Variants in ELAVL4 observed in about 807,000 individuals in gnomAD.
The protein encoded by ELAVL4 is ELAV like RNA binding protein 4, also known as ELAV-like protein 4.
ELAVL4 carries 1 observed loss-of-function variant against 35.6 expected under a neutral mutation model. The observed-to-expected ratio is 0.03, with a 90% confidence interval of 0.01 to 0.13. The LOEUF is 0.13. Ranked by LOEUF, ELAVL4 falls within the 10% of genes least tolerant of loss-of-function variation. ELAVL4 has a pLI of 1.00. For synonymous variants in ELAVL4, 156 were observed against 171.0 expected, an observed-to-expected ratio of 0.91 and a Z score of 0.69; for missense variants, 267 against 464.9, an observed-to-expected ratio of 0.57 and a Z score of 3.91.
chr1:50,067,775 A>T (rs1352189809), intron 1 of ELAVL4, among the ~76,000 whole-genome samples: 3 of 152,232 alleles, frequency 2.0e-5, no homozygotes, highest in African/African-American at 7.2e-5. Context: ...ATTGACTCAC[A>T]GTTCCACATG....
chr1:50,076,394 T>C (rs1372509703), intron 1 of ELAVL4, among the ~76,000 whole-genome samples: 2 of 152,228 alleles, frequency 1.3e-5, no homozygotes, highest in Non-Finnish European at 2.9e-5. Context: ...GTTATAGTTG[T>C]TCTATTTTAT....
intron 1 of ELAVL4, among the ~76,000 whole-genome samples, chr1:50,094,139 A>C (rs1665613387): frequency 6.6e-6 from 1 of 152,224 alleles, no homozygotes; most frequent in Non-Finnish European, 1.5e-5. Context: ...AGCGATTTGG[A>C]AGCTTTGTCT....
chr1:50,070,759 A>AAAAAAAAAAAAAAAAAAAAAAT (rs1664482068), intron 1 of ELAVL4, among the ~76,000 whole-genome samples: 1 of 151,720 alleles, frequency 6.6e-6, no homozygotes, highest in African/African-American at 2.4e-5. Context: ...AAAAAAAAAA[A>AAAAAAAAAAAAAAAAAAAAAAT]AGCCACTACT....
chr1:50,083,986 A>G (rs1665123890), intron 1 of ELAVL4, among the ~76,000 whole-genome samples: 1 of 152,172 alleles, frequency 6.6e-6, no homozygotes, highest in Non-Finnish European at 1.5e-5. Flanking sequence ...CTCATTGTTG[A>G]GAGCTGCCTT....
intron 1 of ELAVL4, among the ~76,000 whole-genome samples, chr1:50,082,685 T>C (rs1176470773): frequency 6.6e-6 from 1 of 152,198 alleles, no homozygotes; most frequent in East Asian, 1.9e-4. Flanking sequence ...ATTGTCTCCA[T>C]TAGAGCACTC....
intron 2 of ELAVL4, among the ~76,000 whole-genome samples, chr1:50,161,197 A>C (rs1034042481): frequency 6.6e-6 from 1 of 152,186 alleles, no homozygotes. Context: ...ACCAAGAATT[A>C]GGAATTCTGG....
At chr1:50,093,421 T>A (rs548305235) in intron 1 of ELAVL4, among the ~76,000 whole-genome samples, 41 of 152,348 alleles carry the variant, frequency 2.7e-4, no homozygotes, top group African/African-American at 9.6e-4. Flanking sequence ...TCAACTGATG[T>A]CCTTTTGAAC....
chr1:50,164,053 A>G (rs1471862855), intron 2 of ELAVL4, among the ~76,000 whole-genome samples: 5 of 152,176 alleles, frequency 3.3e-5, no homozygotes, highest in Non-Finnish European at 7.3e-5. Context: ...AGTAAAACAG[A>G]TATCAAAATA....
At chr1:50,145,241 G>C (rs1673491070) in intron 2 of ELAVL4, 44 bp downstream of exon 2, 1 of 1,609,148 alleles carries the variant, frequency 6.2e-7, no homozygotes, top group Non-Finnish European at 8.5e-7. Flanking sequence ...TAGATGTGCA[G>C]ATCTTAGCAG....
chr1:50,113,351 T>C (rs753322271), intron 1 of ELAVL4, among the ~76,000 whole-genome samples: 11 of 152,086 alleles, frequency 7.2e-5, no homozygotes, highest in Non-Finnish European at 1.5e-4. Context: ...CCTGAGCATC[T>C]TAACACCTTA....
intron 1 of ELAVL4, among the ~76,000 whole-genome samples, chr1:50,058,450 A>T (rs2148474735): frequency 6.6e-6 from 1 of 152,264 alleles, no homozygotes; most frequent in East Asian, 1.9e-4. Context: ...ATGTTTCTAT[A>T]GCACCCTTTC....
intron 2 of ELAVL4, 132 bp downstream of exon 2, chr1:50,145,329 T>C: frequency 1.5e-6 from 2 of 1,363,054 alleles, no homozygotes; most frequent in South Asian, 1.3e-5. Context: ...TACACAGTCA[T>C]AAACTCACAC....
At chr1:50,077,459 T>C (rs1472327369) in intron 1 of ELAVL4, among the ~76,000 whole-genome samples, 1 of 152,176 alleles carries the variant, frequency 6.6e-6, no homozygotes, top group Non-Finnish European at 1.5e-5. Flanking sequence ...TATTCAGGCC[T>C]TCAACTGATT....
intron 2 of ELAVL4, among the ~76,000 whole-genome samples, chr1:50,161,351 T>C (rs547714864): frequency 6.6e-6 from 1 of 152,348 alleles, no homozygotes; most frequent in Admixed American, 6.5e-5. Flanking sequence ...GTTGCTTCGA[T>C]TAAGAATCTT....
At chr1:50,160,166 G>T (rs1479696307) in intron 2 of ELAVL4, among the ~76,000 whole-genome samples, 5 of 152,080 alleles carry the variant, frequency 3.3e-5, no homozygotes, top group Non-Finnish European at 7.4e-5. Context: ...CGTATTCCTG[G>T]GCACTCCTTC....
intron 1 of ELAVL4, among the ~76,000 whole-genome samples, chr1:50,138,817 G>A (rs1029809959): frequency 6.6e-5 from 10 of 152,098 alleles, no homozygotes; most frequent in Admixed American, 4.6e-4. Context: ...AAGTAGAATG[G>A]TAGTTGCCAG....
chr1:50,063,739 G>C (rs1394429885), intron 1 of ELAVL4, among the ~76,000 whole-genome samples: 1 of 152,020 alleles, frequency 6.6e-6, no homozygotes, highest in Admixed American at 6.6e-5. Flanking sequence ...TGTGACATGC[G>C]ACCCTAGTAA....
intron 2 of ELAVL4, among the ~76,000 whole-genome samples, chr1:50,166,972 C>T (rs1266598220): frequency 9.2e-5 from 14 of 152,138 alleles, no homozygotes; most frequent in Admixed American, 7.2e-4. Flanking sequence ...GCCAGCAGAA[C>T]GTGGTGTTGC....
At chr1:50,147,420 T>C (rs1307544368) in intron 2 of ELAVL4, among the ~76,000 whole-genome samples, 1 of 152,210 alleles carries the variant, frequency 6.6e-6, no homozygotes, top group African/African-American at 2.4e-5. Context: ...ATGCAGCATA[T>C]TTCCTCCATC....
Sources: allele counts gnomAD v4.1 joint callset (sites outside exome capture counted in the v4.1 genomes callset), GRCh38; gene constraint gnomAD v4.1.1; transcripts MANE v1.5; gene names NCBI Gene and HGNC (gene_info 2026-07-23, HGNC 2026-07-21).